The following NOL4L variants were observed in gnomAD, a reference collection of about 807,000 sequenced individuals.
NOL4L encodes the protein nucleolar protein 4-like.
A neutral mutation model predicts 64.5 loss-of-function variants in NOL4L; 7 were observed. The observed-to-expected ratio is 0.11, with a 90% confidence interval of 0.06 to 0.20. The LOEUF (loss-of-function observed/expected upper bound fraction) is 0.20. Ranked by LOEUF, NOL4L falls within the 10% of genes least tolerant of loss-of-function variation. NOL4L has a pLI of 1.00. For missense variants in NOL4L, 680 were observed against 967.1 expected, an observed-to-expected ratio of 0.70 and a Z score of 3.94; for synonymous variants, 413 against 401.0, an observed-to-expected ratio of 1.03 and a Z score of -0.36.
At chr20:32,483,420 G>T in intron 4 of NOL4L, 1 of 987,350 alleles carries the variant, frequency 1.0e-6, no homozygotes, top group South Asian at 4.5e-5. Flanking sequence ...CGGGGCGGGC[G>T]GCGGTGACAG....
chr20:32,451,871 C>A (rs2012945036), intron 10 of NOL4L, among the ~76,000 whole-genome samples: 1 of 152,212 alleles, frequency 6.6e-6, no homozygotes. Flanking sequence ...GGAGATTCAA[C>A]TCAGGCCAAG....
At chr20:32,470,102 G>C (rs1055522398) in intron 5 of NOL4L, among the ~76,000 whole-genome samples, 3 of 152,250 alleles carry the variant, frequency 2.0e-5, no homozygotes, top group African/African-American at 7.2e-5. Flanking sequence ...TGCAGAAGGC[G>C]GATGCAGGCC....
At chr20:32,471,319 T>G (rs1600694371) in intron 5 of NOL4L, among the ~76,000 whole-genome samples, 1 of 134,142 alleles carries the variant, frequency 7.5e-6, no homozygotes, top group East Asian at 2.2e-4. Flanking sequence ...TCCTGGGGAG[T>G]GAGAGCAGAC....
intron 5 of NOL4L, 59 bp downstream of exon 5, chr20:32,474,542 C>A: frequency 6.4e-7 from 1 of 1,561,044 alleles, no homozygotes; most frequent in Non-Finnish European, 8.7e-7. Flanking sequence ...CACCTGAGGA[C>A]AACTGGGAGC....
At chr20:32,511,567 G>C in intron 3 of NOL4L, 111 bp from the exon 4 acceptor site, 1 of 697,746 alleles carries the variant, frequency 1.4e-6, no homozygotes, top group Non-Finnish European at 2.4e-6. Context: ...GAGGAGAAGG[G>C]ACAGGTCAGA....
chr20:32,536,092 C>T (rs566407876), intron 1 of NOL4L: 26 of 985,504 alleles, frequency 2.6e-5, no homozygotes, highest in African/African-American at 7.0e-5. Context: ...TAATGGCTTT[C>T]GCCACCTCAT....
chr20:32,531,656 T>C (rs2032922639), intron 1 of NOL4L, among the ~76,000 whole-genome samples: 1 of 152,142 alleles, frequency 6.6e-6, no homozygotes, highest in Non-Finnish European at 1.5e-5. Context: ...CCCGGCCTAT[T>C]TTTATACCTC....
intron 1 of NOL4L, among the ~76,000 whole-genome samples, chr20:32,566,089 T>C (rs886963907): frequency 6.6e-6 from 1 of 152,134 alleles, no homozygotes; most frequent in South Asian, 2.1e-4. Flanking sequence ...GAAGCTCCTA[T>C]AAGCCAGGCC....
chr20:32,567,891 C>T (rs374393537), intron 1 of NOL4L, among the ~76,000 whole-genome samples: 1 of 151,672 alleles, frequency 6.6e-6, no homozygotes, highest in Non-Finnish European at 1.5e-5. Flanking sequence ...ACCACCACCA[C>T]CATCATCTTC....
intron 4 of NOL4L, chr20:32,483,351 G>T: frequency 1.0e-6 from 1 of 984,338 alleles, no homozygotes; most frequent in Non-Finnish European, 1.2e-6. Context: ...GATCCGGGCC[G>T]GACTCCGTAC....
At chr20:32,499,318 T>C (rs1322260970) in intron 4 of NOL4L, among the ~76,000 whole-genome samples, 1 of 152,212 alleles carries the variant, frequency 6.6e-6, no homozygotes, top group Admixed American at 6.5e-5. Flanking sequence ...TCCACCTCTG[T>C]TTGTCAGTGA....
At chr20:32,459,172 G>A (rs767752088) in intron 5 of NOL4L, among the ~76,000 whole-genome samples, 16 of 151,956 alleles carry the variant, frequency 1.1e-4, no homozygotes, top group Admixed American at 5.2e-4. Context: ...GTTCCAAGCT[G>A]TTAGAAGAAA....
intron 10 of NOL4L, chr20:32,450,393 G>A (rs1158526085): frequency 2.6e-5 from 4 of 152,302 alleles, no homozygotes; most frequent in African/African-American, 7.2e-5. Flanking sequence ...AGTGCTCAAG[G>A]ACAGGGGCTG....
Position 32,453,472 on chromosome 20 carries a change from G to T in NOL4L, c.1329C>A (p.Asp443Glu). ...TGGGCACCATGCGGTCCAGGTTCTC[G>T]TCCACAAAGAGACGCACAAACATCT... ...AFNMFVRLFV[D>E]ENLDRMVPIS... is the part of the protein sequence containing the mutation. The change falls in exon 8 of 11, where the codon GAC becomes GAA. Residue 443 changes from aspartate (D) to glutamate (E), a missense_variant. Asp to Glu is a conservative substitution (Grantham distance 45). Transcript: ENST00000621426. The surrounding 1 kb of genome is among the most constrained non-coding windows in gnomAD (Gnocchi z 5.6). 6.2e-7 allele frequency: 1 copy of T among 1,614,074 alleles called. No individual in the cohort carries two copies. Among genetic ancestry groups the T allele is most frequent in the Non-Finnish European group, 8.5e-7 (1 of 1,180,002 alleles).
rs1016117699 is a variant in NOL4L at position 32,459,648 on chromosome 20, G to A, written c.842-3253C>T. Among the ~76,000 whole-genome samples, 9 of 152,192 alleles carry A rather than the reference G, an allele frequency of 5.9e-5. 1 individual carries two copies. In the South Asian group the frequency reaches 1.7e-3, roughly 28 times the overall value. On this transcript the variant is annotated intron_variant, in intron 5 of 10. Transcript: ENST00000621426. ...GATCCGCCCGCCTCAGCCTCCCAAA[G>A]TGCTGGGATTACAGGCATGGGCCAC...
At chr20:32,554,135 A>G (rs1433038267) in intron 1 of NOL4L, among the ~76,000 whole-genome samples, 1 of 152,124 alleles carries the variant, frequency 6.6e-6, no homozygotes, top group African/African-American at 2.4e-5. Flanking sequence ...CCTGGCTAAC[A>G]GGGTGAAACC....
At chr20:32,462,071 G>A (rs916050332) in intron 5 of NOL4L, among the ~76,000 whole-genome samples, 5 of 152,212 alleles carry the variant, frequency 3.3e-5, no homozygotes, top group Middle Eastern at 3.4e-3. Context: ...GACATCACGC[G>A]GGGACTCCTG....
At chr20:32,507,959 C>T (rs6087389) in intron 4 of NOL4L, among the ~76,000 whole-genome samples, 6 of 152,080 alleles carry the variant, frequency 3.9e-5, no homozygotes, top group Non-Finnish European at 7.4e-5. Context: ...TGCAGTGAGC[C>T]GAGATCGCAC....
At chr20:32,469,191 C>T (rs1204075829) in intron 5 of NOL4L, among the ~76,000 whole-genome samples, 1 of 152,024 alleles carries the variant, frequency 6.6e-6, no homozygotes, top group Non-Finnish European at 1.5e-5. Context: ...CTGTGGCTGG[C>T]CCACATCAGT....
Sources: allele counts gnomAD v4.1 joint callset (sites outside exome capture counted in the v4.1 genomes callset), GRCh38; gene constraint gnomAD v4.1.1; non-coding constraint Gnocchi (gnomAD v3.1); transcripts MANE v1.5; gene names NCBI Gene and HGNC (gene_info 2026-07-23, HGNC 2026-07-21).